Variants in GPC6 observed in about 807,000 individuals in gnomAD.
GPC6 encodes the protein glypican 6, also known as glypican-6.
Under a neutral mutation model 55.2 loss-of-function variants are expected in GPC6, and 14 were observed. The observed-to-expected ratio is 0.25, with a 90% CI of 0.17 to 0.40. GPC6 has a LOEUF of 0.40. Among genes scored for constraint, GPC6 ranks in the 10% least tolerant of loss-of-function variants. GPC6 has a pLI of 1.00. For missense variants in GPC6, 641 were observed against 708.5 expected (o/e 0.90, Z 1.08); for synonymous variants, 278 against 259.6 (o/e 1.07, Z -0.68).
intron 2 of GPC6, among the ~76,000 whole-genome samples, chr13:93,605,018 G>T (rs1398547583): frequency 6.6e-6 from 1 of 152,090 alleles, no homozygotes; most frequent in African/African-American, 2.4e-5. Context: ...TTGCTTCATG[G>T]GGAAAAGAAG....
intron 2 of GPC6, among the ~76,000 whole-genome samples, chr13:93,765,355 C>G (rs1168299990): frequency 1.9e-5 from 1 of 51,740 alleles, no homozygotes; most frequent in Non-Finnish European, 4.4e-5. Context: ...ATATATGCAA[C>G]CAGATGTTAC....
chr13:93,678,701 C>T (rs1184520683), intron 2 of GPC6, among the ~76,000 whole-genome samples: 4 of 152,108 alleles, frequency 2.6e-5, no homozygotes, highest in African/African-American at 9.7e-5. Context: ...GAAATTCTAC[C>T]CTATAGCTGC....
chr13:94,099,237 T>C (rs1885769769), intron 4 of GPC6, among the ~76,000 whole-genome samples: 1 of 152,198 alleles, frequency 6.6e-6, no homozygotes, highest in Non-Finnish European at 1.5e-5. Flanking sequence ...GTTCTTGTTT[T>C]CAAAATAAGT....
At chr13:93,426,323 T>C (rs1336651786) in intron 1 of GPC6, among the ~76,000 whole-genome samples, 1 of 151,966 alleles carries the variant, frequency 6.6e-6, no homozygotes, top group East Asian at 1.9e-4. Context: ...GCCATGCTGG[T>C]GTGCTGCACC....
chr13:93,326,591 G>T (rs1227084625), intron 1 of GPC6, among the ~76,000 whole-genome samples: 1 of 152,126 alleles, frequency 6.6e-6, no homozygotes, highest in Non-Finnish European at 1.5e-5. Flanking sequence ...AATTGCTTTT[G>T]CAGAAAGTCC....
intron 1 of GPC6, among the ~76,000 whole-genome samples, chr13:93,260,209 G>T (rs1238183928): frequency 1.3e-5 from 2 of 152,052 alleles, no homozygotes; most frequent in Non-Finnish European, 1.5e-5. Flanking sequence ...ATATTAACTT[G>T]TAAAGGGCTT....
At chr13:93,955,596 G>T (rs944008270) in intron 3 of GPC6, among the ~76,000 whole-genome samples, 1 of 152,008 alleles carries the variant, frequency 6.6e-6, no homozygotes. Flanking sequence ...TACTTTTTGC[G>T]AGCAGAAGAT....
the GPC6 span, among the ~76,000 whole-genome samples, chr13:93,219,185 C>T: frequency 1.3e-5 from 2 of 151,428 alleles, no homozygotes; most frequent in Non-Finnish European, 2.9e-5. Flanking sequence ...CCTCTGCCTA[C>T]AGAGTTCAAG....
At chr13:93,731,395 C>G (rs1294227642) in intron 2 of GPC6, among the ~76,000 whole-genome samples, 1 of 152,096 alleles carries the variant, frequency 6.6e-6, no homozygotes, top group African/African-American at 2.4e-5. Flanking sequence ...TCTTTTAGCC[C>G]TGAACAGAGC....
intron 2 of GPC6, among the ~76,000 whole-genome samples, chr13:93,668,182 C>T (rs1014566849): frequency 6.6e-6 from 1 of 152,182 alleles, no homozygotes; most frequent in African/African-American, 2.4e-5. Flanking sequence ...GACTCCTGCT[C>T]TCAACTGTAA....
chr13:93,753,994 G>C (rs1369208710), intron 2 of GPC6, among the ~76,000 whole-genome samples: 1 of 152,164 alleles, frequency 6.6e-6, no homozygotes, highest in Non-Finnish European at 1.5e-5. Context: ...TAAGGAGACT[G>C]CACATGTGGA....
intron 3 of GPC6, among the ~76,000 whole-genome samples, chr13:93,989,460 G>GA (rs1332361938): frequency 6.6e-6 from 1 of 152,164 alleles, no homozygotes; most frequent in African/African-American, 2.4e-5. Flanking sequence ...ACCTCAAGAA[G>GA]AACTCATGAT....
intron 2 of GPC6, among the ~76,000 whole-genome samples, chr13:93,726,370 G>A (rs1883641293): frequency 6.6e-6 from 1 of 151,930 alleles, no homozygotes; most frequent in African/African-American, 2.4e-5. Flanking sequence ...TTTCCACCTT[G>A]TTTGAAACTC....
chr13:93,582,836 G>A (rs1017609142), intron 2 of GPC6, among the ~76,000 whole-genome samples: 7 of 152,158 alleles, frequency 4.6e-5, no homozygotes, highest in African/African-American at 1.7e-4. Context: ...GAAACCTGTC[G>A]TTAAGCCTTA....
At chr13:93,960,249 A>C (rs184516258) in intron 3 of GPC6, among the ~76,000 whole-genome samples, 1 of 152,334 alleles carries the variant, frequency 6.6e-6, no homozygotes, top group Admixed American at 6.5e-5. Context: ...TACAAACCAA[A>C]ACGTTTTTAC....
chr13:93,681,442 T>A (rs1881842470), intron 2 of GPC6, among the ~76,000 whole-genome samples: 1 of 152,080 alleles, frequency 6.6e-6, no homozygotes, highest in African/African-American at 2.4e-5. Context: ...TTGTGAATGC[T>A]TAGCAAACTG....
At chr13:94,112,893 C>A (rs746763178) in intron 4 of GPC6, among the ~76,000 whole-genome samples, 1 of 151,906 alleles carries the variant, frequency 6.6e-6, no homozygotes, top group African/African-American at 2.4e-5. Flanking sequence ...TTGATGATAG[C>A]ACATGCAAAA....
chr13:93,991,616 A>G (rs1231283755), intron 3 of GPC6, among the ~76,000 whole-genome samples: 1 of 152,126 alleles, frequency 6.6e-6, no homozygotes, highest in Admixed American at 6.6e-5. Flanking sequence ...CTGTAGTGGT[A>G]GTCATGTTTT....
At chr13:93,461,513 A>G (rs577972050) in intron 1 of GPC6, among the ~76,000 whole-genome samples, 4 of 152,280 alleles carry the variant, frequency 2.6e-5, no homozygotes, top group African/African-American at 9.6e-5. Context: ...ATACTGTTTC[A>G]CTATATAAGT....
Sources: gnomAD v4.1 joint callset for allele counts (sites outside exome capture counted in the v4.1 genomes callset) on GRCh38, gnomAD v4.1.1 for gene constraint, MANE v1.5 for transcripts, NCBI Gene and HGNC (gene_info 2026-07-23, HGNC 2026-07-21) for gene names.